Variants in FARP1 observed in about 807,000 individuals in gnomAD.
FARP1 encodes FERM, ARH/RhoGEF and pleckstrin domain protein 1.
FARP1 carries 52 observed loss-of-function variants against 128.8 expected under a neutral mutation model. The ratio of observed to expected loss-of-function variants is 0.40; its 90% CI spans 0.32 to 0.51. FARP1 has a LOEUF of 0.51. Ranked by LOEUF, FARP1 falls within the 20% of genes least tolerant of loss-of-function variation. FARP1 has a pLI of 0.45. For synonymous variants in FARP1, 580 were observed against 551.8 expected, an observed-to-expected ratio of 1.05 and a Z score of -0.72; for missense variants, 1,333 against 1,367.9, an observed-to-expected ratio of 0.97 and a Z score of 0.40.
At chr13:98,421,909 A>G (rs1206207012) in intron 16 of FARP1, among the ~76,000 whole-genome samples, 2 of 152,208 alleles carry the variant, frequency 1.3e-5, no homozygotes, top group Non-Finnish European at 2.9e-5. Flanking sequence ...GGTGTTGGAA[A>G]TAAGATCCTA....
intron 17 of FARP1, 46 bp from the exon 18 acceptor site, chr13:98,430,997 A>G (rs1391809951): frequency 7.9e-7 from 1 of 1,263,776 alleles, no homozygotes; most frequent in Non-Finnish European, 1.1e-6. Flanking sequence ...ACACAGGTGC[A>G]TCCCATTCAG....
At chr13:98,161,625 G>A (rs2139130601) in intron 1 of FARP1, among the ~76,000 whole-genome samples, 1 of 152,230 alleles carries the variant, frequency 6.6e-6, no homozygotes, top group East Asian at 1.9e-4. Context: ...TGGGAAGGGG[G>A]TTCCCAGATG....
intron 2 of FARP1, among the ~76,000 whole-genome samples, chr13:98,256,950 TATATATA>T (rs1883631618): frequency 2.0e-4 from 3 of 15,128 alleles, no homozygotes; most frequent in Non-Finnish European, 3.0e-4. Context: ...TATATGTGGA[TATATATA>T]TATATATATA....
intron 24 of FARP1, among the ~76,000 whole-genome samples, chr13:98,442,183 A>T (rs1359241806): frequency 2.0e-5 from 3 of 152,220 alleles, no homozygotes; most frequent in African/African-American, 7.2e-5. Flanking sequence ...CCAAACGCAG[A>T]AAGGGCCAGT....
intron 2 of FARP1, among the ~76,000 whole-genome samples, chr13:98,300,751 A>G (rs553990739): frequency 6.6e-6 from 1 of 152,322 alleles, no homozygotes; most frequent in Non-Finnish European, 1.5e-5. Flanking sequence ...ATGGTTTCAA[A>G]TATATATGGG....
At chr13:98,223,014 G>A (rs1881518228) in intron 2 of FARP1, among the ~76,000 whole-genome samples, 1 of 152,052 alleles carries the variant, frequency 6.6e-6, no homozygotes, top group South Asian at 2.1e-4. Flanking sequence ...CAGGGTTTTG[G>A]CAATATCATC....
At chr13:98,423,411 T>TTTTGTTTG (rs369206178) in intron 16 of FARP1, among the ~76,000 whole-genome samples, 1 of 152,204 alleles carries the variant, frequency 6.6e-6, no homozygotes, top group Non-Finnish European at 1.5e-5. Context: ...CTAGTGCCAG[T>TTTTGTTTG]TTTGTTTGTT....
intron 2 of FARP1, among the ~76,000 whole-genome samples, chr13:98,276,877 G>T (rs1168185269): frequency 6.9e-6 from 1 of 143,952 alleles, no homozygotes; most frequent in Non-Finnish European, 1.5e-5. Context: ...GGGCATGGGT[G>T]GGGTGGGAGG....
At chr13:98,223,272 C>T (rs893544378) in intron 2 of FARP1, among the ~76,000 whole-genome samples, 1 of 152,222 alleles carries the variant, frequency 6.6e-6, no homozygotes, top group Non-Finnish European at 1.5e-5. Flanking sequence ...TAATGTCTTC[C>T]TTCAGTTGAC....
Position 98,409,344 on chromosome 13 carries a change from T to C in FARP1, c.1421T>C (p.Leu474Pro), listed in dbSNP as rs1242086127. The change falls in exon 14 of 27, where the codon CTG becomes CCG. Residue 474 changes from leucine (L) to proline (P), a missense_variant. Physicochemically the swap from Leu to Pro is moderately conservative, Grantham distance 98 (BLOSUM62 -3). Transcript: ENST00000319562. ...ACTTCTCATCCCCAAACAGGCTCCC[T>C]GACTGGCAGTCCTCACCTTTCCGAG... is the stretch of plus-strand genomic sequence containing the variant. ...PQPPQPSTGS[L>P]TGSPHLSELS... 1 of 1,602,590 alleles carries C rather than the reference T, an allele frequency of 6.2e-7. No individual in the cohort carries two copies. Among genetic ancestry groups the C allele is most frequent in the East Asian group, 2.2e-5 (1 of 44,588 alleles).
Position 98,439,094 on chromosome 13 carries a change from C to G in FARP1, c.2344-13C>G. The G allele has an allele frequency of 1.2e-6, 2 of 1,609,972 alleles. No homozygotes were observed. The highest frequency in any genetic ancestry group is 1.7e-6 in the Non-Finnish European group (2 of 1,176,990). ...AACGTGGTCTCACCTCCACACACTT[C>G]TGATTCCTCCAGTTCAACGACGTCC... On this transcript the variant is annotated splice_polypyrimidine_tract_variant and intron_variant, in intron 20 of 26. Coordinates refer to ENST00000319562, the MANE Select transcript of FARP1 (RefSeq NM_005766.4).
chr13:98,430,858 T>G (rs181533352), intron 17 of FARP1, among the ~76,000 whole-genome samples, 185 bp from the exon 18 acceptor site: 33 of 152,334 alleles, frequency 2.2e-4, no homozygotes, highest in Admixed American at 1.8e-3. Context: ...CCTTTTTATT[T>G]CATCCTGAGA....
At chr13:98,303,443 T>A (rs774178864) in intron 2 of FARP1, among the ~76,000 whole-genome samples, 2 of 152,242 alleles carry the variant, frequency 1.3e-5, no homozygotes, top group Non-Finnish European at 2.9e-5. Context: ...GATTTTGTTT[T>A]GAGGCTTGTG....
At chr13:98,307,744 A>G (rs2139726565) in intron 2 of FARP1, among the ~76,000 whole-genome samples, 1 of 152,318 alleles carries the variant, frequency 6.6e-6, no homozygotes, top group Admixed American at 6.5e-5. Flanking sequence ...CTAACTGGAA[A>G]TAATGAAGCC....
In FARP1 at chr13:98,424,617, C is replaced by T. The variant is rs775560281; in HGVS notation, c.1872C>T (p.Gly624=). 113 of 1,613,550 alleles carry T rather than the reference C, an allele frequency of 7.0e-5. No homozygotes were observed. Among genetic ancestry groups the T allele is most frequent in the Non-Finnish European group, 8.6e-5 (102 of 1,179,584 alleles). ...NAQIRDYQRI[G]DVMLKNIQGM... ...AAATCAGAGATTACCAAAGAATCGG[C>T]GATGTCATGCTGAAGAACATTCAGG... is the stretch of plus-strand genomic sequence containing the variant. Residue 624 remains glycine (G), a synonymous_variant, in exon 17 of 27, where the codon GGC becomes GGT. Coordinates refer to ENST00000319562, the MANE Select transcript of FARP1 (RefSeq NM_005766.4).
chr13:98,399,231 G>T (rs1381065721), intron 13 of FARP1: 1 of 152,176 alleles, frequency 6.6e-6, no homozygotes, highest in Non-Finnish European at 1.5e-5. Context: ...TGCCTCAAGA[G>T]GAGCTTGTCC....
At chr13:98,227,185 G>A (rs1459146632) in intron 2 of FARP1, among the ~76,000 whole-genome samples, 2 of 151,998 alleles carry the variant, frequency 1.3e-5, no homozygotes, top group African/African-American at 2.4e-5. Flanking sequence ...CTCATGATCC[G>A]CCCGCCTTGG....
intron 1 of FARP1, among the ~76,000 whole-genome samples, chr13:98,185,454 G>GT (rs1334292267): frequency 5.3e-5 from 8 of 152,138 alleles, no homozygotes; most frequent in Non-Finnish European, 7.4e-5. Flanking sequence ...TTCCTTTTCT[G>GT]TTTAAGGTTC....
chr13:98,200,020 C>T (rs554341364), intron 1 of FARP1, among the ~76,000 whole-genome samples: 4 of 152,210 alleles, frequency 2.6e-5, no homozygotes, highest in South Asian at 4.1e-4. Context: ...TTTGTCTTTG[C>T]ATATCTGTTT....
Sources: gnomAD v4.1 joint callset for allele counts (sites outside exome capture counted in the v4.1 genomes callset) on GRCh38, gnomAD v4.1.1 for gene constraint, MANE v1.5 for transcripts, NCBI Gene and HGNC (gene_info 2026-07-23, HGNC 2026-07-21) for gene names.